Variants in SCRT2 observed in about 807,000 individuals in gnomAD.
SCRT2 encodes scratch family transcriptional repressor 2.
Under a neutral mutation model 3.7 loss-of-function variants are expected in SCRT2, and 2 were observed. The observed-to-expected ratio is 0.54, with a 90% CI of 0.22 to 1.70. The LOEUF (loss-of-function observed/expected upper bound fraction) is 1.70, where lower values mean the gene tolerates loss of function less well. SCRT2 is among the 40% of genes most tolerant of loss of function. The pLI is 0.19. For synonymous variants in SCRT2, 256 were observed against 220.6 expected (o/e 1.16, Z -1.42); for missense variants, 456 against 468.5 (o/e 0.97, Z 0.25).
chr20:675,074 C>T lies in SCRT2; in HGVS notation c.133+395G>A, dbSNP rs1303276167. On this transcript the variant is annotated intron_variant, in intron 1 of 1. Coordinates refer to ENST00000246104, the MANE Select transcript of SCRT2 (RefSeq NM_033129.4). The surrounding 1 kb of genome is among the most constrained non-coding windows in gnomAD (Gnocchi z 6.9). Reference sequence around the variant, plus strand: ...AACATCCAGGGCTCTTTACCTTCCCCCTTCCCGGGCAGCCAGCTTCTCTTC... The same window carrying T: ...AACATCCAGGGCTCTTTACCTTCCCTCTTCCCGGGCAGCCAGCTTCTCTTC... Among the ~76,000 whole-genome samples, 2 of 152,166 alleles carry T rather than the reference C, an allele frequency of 1.3e-5. No homozygotes were observed. Among genetic ancestry groups the T allele is most frequent in the Non-Finnish European group, 2.9e-5 (2 of 68,034 alleles).
At chr20:668,076 G>C (rs778873755) in intron 1 of SCRT2, among the ~76,000 whole-genome samples, 1 of 152,158 alleles carries the variant, frequency 6.6e-6, no homozygotes, top group Admixed American at 6.5e-5. Context: ...CTGTATAAGG[G>C]AGTTCATAAT....
chr20:674,720 T>C (rs1984468089), intron 1 of SCRT2, among the ~76,000 whole-genome samples: 1 of 72,630 alleles, frequency 1.4e-5, no homozygotes, highest in Admixed American at 1.7e-4. Flanking sequence ...TGTGTGTGTG[T>C]GTGTGTGTGT....
chr20:674,378 ATC>A lies in SCRT2; in HGVS notation c.133+1089_133+1090del, dbSNP rs142958054. On this transcript the variant is annotated intron_variant, in intron 1 of 1. Coordinates refer to ENST00000246104, the MANE Select transcript of SCRT2 (RefSeq NM_033129.4). ...TCTCTCTCTCTCTTTCCCCACCCCC[ATC>A]TCTCTCTCTCTCTCTCTCTCACACA... Among the ~76,000 whole-genome samples the A allele has an allele frequency of 5.3e-3, 546 of 102,104 alleles. 9 individuals carry two copies. Among genetic ancestry groups the A allele is most frequent in the East Asian group, 0.022 (72 of 3,236 alleles). 67.0% of individuals were successfully genotyped at this position (102,104 alleles called of 152,430 possible).
intron 1 of SCRT2, among the ~76,000 whole-genome samples, chr20:674,258 G>A (rs1446387470): frequency 2.0e-5 from 3 of 151,984 alleles, no homozygotes; most frequent in Admixed American, 2.0e-4. Flanking sequence ...AATCCCAGAG[G>A]TGGAAGCCCC....
Position 664,193 on chromosome 20 carries a change from G to A in SCRT2, c.402C>T (p.Asp134=). ...GGGGDAGGSG[D]AGGAGGRAGR... Reference sequence around the variant, plus strand: ...CCGCGCGCCCCCCGGCGCCCCCCGCGTCTCCCGAGCCCCCCGCGTCCCCGC... The same window carrying A: ...CCGCGCGCCCCCCGGCGCCCCCCGCATCTCCCGAGCCCCCCGCGTCCCCGC... The change falls in exon 2 of 2, where the codon GAC becomes GAT. Residue 134 remains aspartate, a synonymous_variant. Transcript: ENST00000246104. This position sits in a 1 kb window ranked among gnomAD's most constrained non-coding sequence, Gnocchi z 7.9. 9.1e-7 allele frequency: 1 copy of A among 1,097,156 alleles called. No homozygotes were observed. The highest frequency in any genetic ancestry group is 1.1e-6 in the Non-Finnish European group (1 of 902,450). 68.0% of individuals were successfully genotyped at this position (1,097,156 alleles called of 1,614,324 possible).
At chr20:672,834 TGA>T (rs1984389134) in intron 1 of SCRT2, among the ~76,000 whole-genome samples, 1 of 149,284 alleles carries the variant, frequency 6.7e-6, no homozygotes, top group Admixed American at 6.7e-5. Flanking sequence ...TTACACACGC[TGA>T]GAGAGAAAAA....
At position 675,441 on chromosome 20, in the gene SCRT2, C is replaced by T. The variant is rs759313217; in HGVS notation, c.133+28G>A. The stretch of plus-strand genomic sequence containing the variant: ...CAGCTCCCCTCGCCTCTTCTCCCAA[C>T]CCCCCGCCCCCGCCGGGTCCCACTC... On this transcript the variant is annotated intron_variant, in intron 1 of 1. Transcript: ENST00000246104. The surrounding 1 kb of genome is among the most constrained non-coding windows in gnomAD (Gnocchi z 6.9). The T allele has an allele frequency of 1.7e-4, 224 of 1,292,962 alleles. No individual in the cohort carries two copies. Among genetic ancestry groups the T allele is most frequent in the East Asian group, 3.3e-4 (11 of 33,436 alleles). The allele number at this position is 1,292,962 out of a possible 1,614,324, so 80.1% of individuals were successfully genotyped here.
In SCRT2 at chr20:661,662, G is replaced by C. The variant is rs1275106937; in HGVS notation, c.*2009C>G. 6.5e-6 allele frequency: 1 copy of C among 152,726 alleles called. No homozygotes were observed. The highest frequency in any genetic ancestry group is 1.5e-5 in the Non-Finnish European group (1 of 68,088). 9.5% of individuals were successfully genotyped at this position (152,726 alleles called of 1,614,324 possible). ...AAGTAATACTGCTGGAGGTGGGGAA[G>C]GGATGGGGGTTTGGGGGTGAGTTGG... On this transcript the variant is annotated 3_prime_UTR_variant, in exon 2 of 2. Transcript: ENST00000246104.
Position 663,611 on chromosome 20 carries a change from A to G in SCRT2, c.*60T>C. 1 of 1,288,078 alleles carries G rather than the reference A, an allele frequency of 7.8e-7. No homozygotes were observed. The highest frequency in any genetic ancestry group is 9.8e-7 in the Non-Finnish European group (1 of 1,017,046). 79.8% of individuals were successfully genotyped at this position (1,288,078 alleles called of 1,614,324 possible). A position where few individuals can be genotyped will look rare whatever the true frequency, so the allele number is the denominator to read the frequency against. ...GGCTGGGCGAGGGCGCTGCGGGCGC[A>G]GGTAGGGGGCCCGGGGCGCGTGGAG... is the stretch of plus-strand genomic sequence containing the variant. On this transcript the variant is annotated 3_prime_UTR_variant, in exon 2 of 2. Coordinates refer to ENST00000246104, the MANE Select transcript of SCRT2 (RefSeq NM_033129.4). The surrounding 1 kb of genome is among the most constrained non-coding windows in gnomAD (Gnocchi z 6.9).
intron 1 of SCRT2, among the ~76,000 whole-genome samples, chr20:674,854 C>G (rs1984475367): frequency 6.6e-6 from 1 of 152,134 alleles, no homozygotes; most frequent in Non-Finnish European, 1.5e-5. Context: ...GGAACCCCTC[C>G]CAGAAATCCT....
chr20:673,906 C>T (rs1400097116), intron 1 of SCRT2, among the ~76,000 whole-genome samples: 1 of 152,188 alleles, frequency 6.6e-6, no homozygotes, highest in African/African-American at 2.4e-5. Context: ...TCAGTTTCTA[C>T]CAGCTTTGAG....
rs1034071237 is a variant in SCRT2 at position 666,561 on chromosome 20, G to A, written c.134-2100C>T. Among the ~76,000 whole-genome samples, 1 of 152,228 alleles carries A rather than the reference G, an allele frequency of 6.6e-6. No homozygotes were observed. Among genetic ancestry groups the A allele is most frequent in the Non-Finnish European group, 1.5e-5 (1 of 68,050 alleles). On this transcript the variant is annotated intron_variant, in intron 1 of 1. Coordinates refer to ENST00000246104, the MANE Select transcript of SCRT2 (RefSeq NM_033129.4). This position sits in a 1 kb window ranked among gnomAD's most constrained non-coding sequence, Gnocchi z 4.4. ...TCACAGATAAGGAAACTGAGGGACA[G>A]TGTGGTGATGGCACTTGCTCCAGGG...
Position 663,382 on chromosome 20 carries a change from C to A in SCRT2, c.*289G>T, listed in dbSNP as rs567531964. On this transcript the variant is annotated 3_prime_UTR_variant, in exon 2 of 2. Coordinates refer to ENST00000246104, the MANE Select transcript of SCRT2 (RefSeq NM_033129.4). The surrounding 1 kb of genome is among the most constrained non-coding windows in gnomAD (Gnocchi z 6.9). ...CCGGCTCTGGGGCGCGGGAGAGGTG[C>A]GGACCTGGTGCCTGAGTTGGGAGCC... 2 of 349,994 alleles carry A rather than the reference C, an allele frequency of 5.7e-6. No individual in the cohort carries two copies. The highest frequency in any genetic ancestry group is 1.0e-5 in the Non-Finnish European group (2 of 196,366). 21.7% of individuals were successfully genotyped at this position (349,994 alleles called of 1,614,324 possible).
chr20:663,608 C>T lies in SCRT2; in HGVS notation c.*63G>A. The T allele has an allele frequency of 7.8e-7, 1 of 1,282,008 alleles. No homozygotes were observed. Among genetic ancestry groups the T allele is most frequent in the Non-Finnish European group, 9.9e-7 (1 of 1,013,572 alleles). The allele number at this position is 1,282,008 out of a possible 1,614,324, so 79.4% of individuals were successfully genotyped here. On this transcript the variant is annotated 3_prime_UTR_variant, in exon 2 of 2. Transcript: ENST00000246104. This position sits in a 1 kb window ranked among gnomAD's most constrained non-coding sequence, Gnocchi z 6.9. The stretch of plus-strand genomic sequence containing the variant: ...CGGGGCTGGGCGAGGGCGCTGCGGG[C>T]GCAGGTAGGGGGCCCGGGGCGCGTG...
rs539854040 is a variant in SCRT2, at chr20:663,872, G to A, written c.723C>T (p.Gly241=). 9.4e-6 allele frequency: 15 copies of A among 1,600,066 alleles called. No individual in the cohort carries two copies. Among genetic ancestry groups the A allele is most frequent in the South Asian group, 1.1e-5 (1 of 89,726 alleles). The change falls in exon 2 of 2, where the codon GGC becomes GGT. Residue 241 remains glycine (G), a synonymous_variant. Coordinates refer to ENST00000246104, the MANE Select transcript of SCRT2 (RefSeq NM_033129.4). The surrounding 1 kb of genome is among the most constrained non-coding windows in gnomAD (Gnocchi z 6.9). The stretch of plus-strand genomic sequence containing the variant: ...CGAAGGCCTTGCCGCAGTGCGCGCA[G>A]CCGAACGGCTTTTCGCCGGTGTGCG... ...MRSHTGEKPF[G]CAHCGKAFAD...
chr20:665,275 AAGT>A lies in SCRT2; in HGVS notation c.134-817_134-815del, dbSNP rs1255626350. On this transcript the variant is annotated intron_variant, in intron 1 of 1. Transcript: ENST00000246104. The surrounding 1 kb of genome is among the most constrained non-coding windows in gnomAD (Gnocchi z 5.0). ...GTGTGCCCAGCACATGCCTGGCTCAAAGTAGGTGTGCGATGAATAGATGTTGCA... is the reference window on the plus strand; with the variant it reads ...GTGTGCCCAGCACATGCCTGGCTCAAAGGTGTGCGATGAATAGATGTTGCA... Among the ~76,000 whole-genome samples, 3 of 152,218 alleles carry A rather than the reference AAGT, an allele frequency of 2.0e-5. No individual in the cohort carries two copies. Among genetic ancestry groups the A allele is most frequent in the African/African-American group, 7.2e-5 (3 of 41,442 alleles).
At chr20:674,506 C>G (rs1331164866) in intron 1 of SCRT2, among the ~76,000 whole-genome samples, 1 of 152,088 alleles carries the variant, frequency 6.6e-6, no homozygotes, top group East Asian at 1.9e-4. Flanking sequence ...TCTTCAGACA[C>G]CTGCCCTGGT....
rs774450021 is a variant in SCRT2, at chr20:666,396, CCTT to C, written c.134-1938_134-1936del. Among the ~76,000 whole-genome samples the C allele has an allele frequency of 4.6e-5, 7 of 152,160 alleles. No individual in the cohort carries two copies. The highest frequency in any genetic ancestry group is 9.7e-5 in the African/African-American group (4 of 41,442). On this transcript the variant is annotated intron_variant, in intron 1 of 1. Transcript: ENST00000246104. The surrounding 1 kb of genome is among the most constrained non-coding windows in gnomAD (Gnocchi z 4.4). ...GGCACTCCCAGACCCCCCTCCTTCT[CCTT>C]CTGTATTTCCTCACGTTGTAATTCC...
rs1983995018 is a variant in SCRT2 at position 662,638 on chromosome 20, T to G, written c.*1033A>C. 2 of 152,264 alleles carry G rather than the reference T, an allele frequency of 1.3e-5. No individual in the cohort carries two copies. Among genetic ancestry groups the G allele is most frequent in the African/African-American group, 4.8e-5 (2 of 41,290 alleles). The allele number at this position is 152,264 out of a possible 1,614,324, so 9.4% of individuals were successfully genotyped here. On this transcript the variant is annotated 3_prime_UTR_variant, in exon 2 of 2. Transcript: ENST00000246104. ...TTAAATAGAATAATAAATAGATAAA[T>G]AAATAAATACACAAATAAATAACTG... is the stretch of plus-strand genomic sequence containing the variant.
Sources: allele counts gnomAD v4.1 joint callset (sites outside exome capture counted in the v4.1 genomes callset), GRCh38; gene constraint gnomAD v4.1.1; non-coding constraint Gnocchi (gnomAD v3.1); transcripts MANE v1.5; gene names NCBI Gene and HGNC (gene_info 2026-07-23, HGNC 2026-07-21).